The following PDE1C variants were observed in gnomAD, a reference collection of about 807,000 sequenced individuals.
PDE1C encodes dual specificity calcium/calmodulin-dependent 3',5'-cyclic nucleotide phosphodiesterase 1C.
In PDE1C, 62 loss-of-function variants were observed where a neutral mutation model predicts 93.1. The ratio of observed to expected loss-of-function variants is 0.67; its 90% CI spans 0.54 to 0.82. PDE1C has a LOEUF of 0.82. PDE1C is among the 40% of genes least tolerant of loss of function. The probability of loss-of-function intolerance (pLI) is 0.00; values close to 1 mark genes in which losing one functional copy is unlikely to be tolerated. For missense variants in PDE1C, 742 were observed against 884.6 expected (o/e 0.84, Z 2.04); for synonymous variants, 325 against 310.1 (o/e 1.05, Z -0.50).
intron 12 of PDE1C, among the ~76,000 whole-genome samples, chr7:31,827,632 T>C (rs569971502): frequency 2.0e-5 from 3 of 152,004 alleles, no homozygotes; most frequent in African/African-American, 4.8e-5. Flanking sequence ...AGTAGAAAAA[T>C]GCCTAATTCT....
At chr7:32,015,033 T>C (rs1393026729) in intron 2 of PDE1C, among the ~76,000 whole-genome samples, 1 of 152,110 alleles carries the variant, frequency 6.6e-6, no homozygotes, top group Non-Finnish European at 1.5e-5. Flanking sequence ...TCTGATGGTT[T>C]CACAAAGGGC....
At chr7:31,805,237 A>C (rs538696556) in intron 16 of PDE1C, among the ~76,000 whole-genome samples, 77 of 151,698 alleles carry the variant, frequency 5.1e-4, no homozygotes, top group African/African-American at 1.7e-3. Context: ...TGTCTTTATT[A>C]GCGGCCTGAG....
chr7:32,402,251 T>C (rs555009323), intron 1 of PDE1C, among the ~76,000 whole-genome samples: 26 of 152,102 alleles, frequency 1.7e-4, no homozygotes, highest in African/African-American at 6.3e-4. Context: ...AATCACTAGA[T>C]AAAAAGAGAT....
At chr7:31,952,549 G>A (rs898568751) in intron 2 of PDE1C, among the ~76,000 whole-genome samples, 2 of 152,108 alleles carry the variant, frequency 1.3e-5, no homozygotes, top group South Asian at 4.1e-4. Context: ...TGCACCCAGT[G>A]AGAGTTACCC....
chr7:31,717,930 G>A, the PDE1C span, among the ~76,000 whole-genome samples: 1 of 152,176 alleles, frequency 6.6e-6, no homozygotes, highest in Non-Finnish European at 1.5e-5. Context: ...CGTGGACAGA[G>A]CAAATGGAGA....
chr7:32,080,830 T>C (rs1796622451), intron 3 of PDE1C, among the ~76,000 whole-genome samples: 1 of 152,196 alleles, frequency 6.6e-6, no homozygotes, highest in Non-Finnish European at 1.5e-5. Flanking sequence ...ACCCACATGC[T>C]TTTAACAGAT....
At chr7:32,235,979 A>G (rs1268707464) in intron 1 of PDE1C, among the ~76,000 whole-genome samples, 2 of 152,124 alleles carry the variant, frequency 1.3e-5, no homozygotes, top group Non-Finnish European at 2.9e-5. Context: ...AAGTCCAGAA[A>G]AAGACTTACA....
At chr7:31,989,556 C>A (rs1005535563) in intron 2 of PDE1C, among the ~76,000 whole-genome samples, 3 of 151,872 alleles carry the variant, frequency 2.0e-5, no homozygotes, top group African/African-American at 7.3e-5. Context: ...GAGGTTTTTG[C>A]CTTCAGTCAA....
At chr7:31,643,279 G>C in the PDE1C span, 2 of 1,613,798 alleles carry the variant, frequency 1.2e-6, no homozygotes, top group Non-Finnish European at 1.7e-6. Flanking sequence ...ACTCGTACCA[G>C]AAAGCTCATC....
intron 1 of PDE1C, among the ~76,000 whole-genome samples, chr7:32,060,535 G>A (rs149503982): frequency 6.6e-6 from 1 of 152,188 alleles, no homozygotes; most frequent in East Asian, 1.9e-4. Context: ...TGAGCCCATT[G>A]TCCAAAATAC....
chr7:31,753,508 G>A lies in PDE1C; in HGVS notation c.2006C>T (p.Ser669Phe). 1 of 1,612,320 alleles carries A rather than the reference G, an allele frequency of 6.2e-7. No individual in the cohort carries two copies. The highest frequency in any genetic ancestry group is 8.5e-7 in the Non-Finnish European group (1 of 1,179,624). ...TGAGACTGAAGGTGCATAGGAGCTA[G>A]ATGCGTAAGCAGGGCGTTTAAAATG... is the stretch of plus-strand genomic sequence containing the variant. ...LRHFKRPAYA[S>F]SSYAPSVSKK... The change falls in exon 18 of 18, where the codon TCT becomes TTT. Residue 669 changes from serine (S) to phenylalanine (F), a missense_variant. By Grantham distance (155) the Ser-to-Phe change is radical (BLOSUM62 -2). Coordinates refer to ENST00000396191, the MANE Select transcript of PDE1C (RefSeq NM_001191057.4).
chr7:31,651,235 G>T, the PDE1C span: 1 of 1,613,524 alleles, frequency 6.2e-7, no homozygotes, highest in Admixed American at 1.7e-5. Flanking sequence ...GGGACAGCAG[G>T]CCCTCTTTTC....
chr7:32,042,447 T>C (rs1343007271), intron 2 of PDE1C, among the ~76,000 whole-genome samples: 1 of 152,202 alleles, frequency 6.6e-6, no homozygotes, highest in Non-Finnish European at 1.5e-5. Context: ...TCAGATGAGT[T>C]ACCTCTTTTC....
At chr7:31,993,016 T>C (rs1324077772) in intron 2 of PDE1C, among the ~76,000 whole-genome samples, 1 of 152,246 alleles carries the variant, frequency 6.6e-6, no homozygotes, top group Non-Finnish European at 1.5e-5. Context: ...AATTATATTC[T>C]GATTAGTTTA....
At chr7:31,912,748 C>T (rs1041044901) in intron 2 of PDE1C, among the ~76,000 whole-genome samples, 3 of 151,754 alleles carry the variant, frequency 2.0e-5, no homozygotes, top group Non-Finnish European at 2.9e-5. Context: ...AATTAGTTCC[C>T]TGTAATTCAG....
chr7:32,067,491 C>A (rs188298671), intron 1 of PDE1C, among the ~76,000 whole-genome samples: 2 of 152,128 alleles, frequency 1.3e-5, no homozygotes, highest in South Asian at 2.1e-4. Flanking sequence ...ATAGGGGACA[C>A]CTCCCTGCAA....
At chr7:32,251,198 C>T (rs1442878805) in intron 1 of PDE1C, among the ~76,000 whole-genome samples, 1 of 152,192 alleles carries the variant, frequency 6.6e-6, no homozygotes, top group African/African-American at 2.4e-5. Flanking sequence ...GGATACACTC[C>T]CACATTTGCT....
intron 2 of PDE1C, among the ~76,000 whole-genome samples, chr7:32,192,786 G>T (rs955055065): frequency 6.6e-6 from 1 of 152,064 alleles, no homozygotes; most frequent in African/African-American, 2.4e-5. Flanking sequence ...TGACATATTT[G>T]CTATGTTTCA....
intron 3 of PDE1C, among the ~76,000 whole-genome samples, chr7:32,162,944 C>T (rs922823930): frequency 6.6e-6 from 1 of 152,034 alleles, no homozygotes; most frequent in Non-Finnish European, 1.5e-5. Context: ...AGATCTGTCT[C>T]TAAAAACTTA....
Sources: allele counts gnomAD v4.1 joint callset (sites outside exome capture counted in the v4.1 genomes callset), GRCh38; gene constraint gnomAD v4.1.1; transcripts MANE v1.5; gene names NCBI Gene and HGNC (gene_info 2026-07-23, HGNC 2026-07-21).